CRAT: variants seen among roughly 807,000 people sequenced by gnomAD.
CRAT encodes the protein carnitine O-acetyltransferase, also known as carnitine acetylase.
A neutral mutation model predicts 73.7 loss-of-function variants in CRAT; 66 were observed. That is an observed-to-expected ratio of 0.90 (90% CI 0.73 to 1.10). The LOEUF is 1.10. Ranked by LOEUF, CRAT falls within the 50% of genes least tolerant of loss-of-function variation. The pLI is 0.00. For synonymous variants in CRAT, 321 were observed against 343.2 expected (o/e 0.94, Z 0.71); for missense variants, 745 against 846.9 (o/e 0.88, Z 1.49).
chr9:129,095,051 G>T lies in CRAT; in HGVS notation c.*346C>A. The T allele has an allele frequency of 2.9e-6, 1 of 343,070 alleles. No homozygotes were observed. The highest frequency in any genetic ancestry group is 3.3e-5 in the South Asian group (1 of 29,990). The allele number at this position is 343,070 out of a possible 1,614,324, so 21.3% of individuals were successfully genotyped here. Reference sequence around the variant, plus strand: ...GAGTTGGCAGGGAGTGGCCGGGGCTGAGCTGGTGAGACAAAGAGCTCTTGC... The same window carrying T: ...GAGTTGGCAGGGAGTGGCCGGGGCTTAGCTGGTGAGACAAAGAGCTCTTGC... On this transcript the variant is annotated 3_prime_UTR_variant, in exon 14 of 14. Transcript: ENST00000318080.
At chr9:129,099,586 C>A (rs1226916704) in intron 8 of CRAT, among the ~76,000 whole-genome samples, 2 of 138,138 alleles carry the variant, frequency 1.4e-5, no homozygotes, top group African/African-American at 5.7e-5. Context: ...GATACCACAC[C>A]TGGGTAATTT....
In CRAT at chr9:129,096,080, A is replaced by G. The variant is rs776878613; in HGVS notation, c.1583T>C (p.Ile528Thr). 3.7e-6 allele frequency: 6 copies of G among 1,613,996 alleles called. No individual in the cohort carries two copies. The Admixed American group carries it at 6.7e-5, about 18-fold the overall frequency. Residue 528 changes from isoleucine to threonine, a missense_variant, in exon 13 of 14, where the codon ATC becomes ACC. By Grantham distance (89) the Ile-to-Thr change is moderately conservative. Transcript: ENST00000318080. ...RHLLGLKLQA[I>T]EDLVSMPDIF... ...GTCGGGCATGCTCACCAGGTCCTCG[A>G]TGGCCTGCAGCTTCAGGCCCAGCAG...
At position 129,102,534 on chromosome 9, in the gene CRAT, T is replaced by C. The variant is rs1554725925; in HGVS notation, c.496A>G (p.Lys166Glu). The C allele has an allele frequency of 1.2e-6, 2 of 1,613,382 alleles. No homozygotes were observed. The highest frequency in any genetic ancestry group is 1.7e-6 in the Non-Finnish European group (2 of 1,179,888). The stretch of plus-strand genomic sequence containing the variant: ...TAGTACTGGTTCATGCACAGTGGCT[T>C]CCCCCCCAGGTACTCCACGGGCAGG... ...ETLPVEYLGG[K>E]PLCMNQYYQI... Residue 166 changes from lysine to glutamate, a missense_variant, in exon 5 of 14, where the codon AAG becomes GAG. Transcript: ENST00000318080.
Position 129,098,527 on chromosome 9 carries a change from T to C in CRAT, c.1205+4A>G. ...GCACAGGGATGGCGGGGGCAGGCAC[T>C]TACATGCTGAGGTTCTGCTTGGCCT... On this transcript the variant is annotated splice_donor_region_variant and intron_variant, in intron 9 of 13. Transcript: ENST00000318080. 1 of 1,605,528 alleles carries C rather than the reference T, an allele frequency of 6.2e-7. No homozygotes were observed. The highest frequency in any genetic ancestry group is 1.1e-5 in the South Asian group (1 of 90,080).
In CRAT at chr9:129,110,403, G is replaced by C; in HGVS notation, c.27+80C>G. The C allele has an allele frequency of 7.2e-7, 1 of 1,391,096 alleles. No homozygotes were observed. The highest frequency in any genetic ancestry group is 1.4e-5 in the South Asian group (1 of 72,408). The allele number at this position is 1,391,096 out of a possible 1,614,324, so 86.2% of individuals were successfully genotyped here. A position where few individuals can be genotyped will look rare whatever the true frequency, so the allele number is the denominator to read the frequency against. On this transcript the variant is annotated intron_variant, in intron 1 of 13. Transcript: ENST00000318080. The surrounding 1 kb of genome is among the most constrained non-coding windows in gnomAD (Gnocchi z 5.3). The stretch of plus-strand genomic sequence containing the variant: ...CCGGGTCGAACAGCGGCCGCAGGAC[G>C]CGGTCTCCGTTCCCGGACGCAACCG...
rs1451160613 is a variant in CRAT at position 129,104,202 on chromosome 9, C to T, written c.396G>A (p.Leu132=). ...VMLPKQDFVD[L]QGQLRFAAKL... ...CAGCCACTCACCGGAGCTGACCCTG[C>T]AGGTCCACGAAGTCCTGCTTGGGTA... Residue 132 remains leucine, a synonymous_variant, in exon 3 of 14, where the codon CTG becomes CTA. Coordinates refer to ENST00000318080, the MANE Select transcript of CRAT (RefSeq NM_000755.5). The T allele has an allele frequency of 1.2e-6, 2 of 1,609,008 alleles. No homozygotes were observed. Among genetic ancestry groups the T allele is most frequent in the East Asian group, 2.2e-5 (1 of 44,596 alleles).
Position 129,110,513 on chromosome 9 carries a change from C to G in CRAT, c.-4G>C. 1.3e-6 allele frequency: 2 copies of G among 1,576,474 alleles called. No individual in the cohort carries two copies. The highest frequency in any genetic ancestry group is 1.7e-6 in the Non-Finnish European group (2 of 1,168,544). On this transcript the variant is annotated 5_prime_UTR_variant, in exon 1 of 14. Transcript: ENST00000318080. This position sits in a 1 kb window ranked among gnomAD's most constrained non-coding sequence, Gnocchi z 5.3. Reference sequence around the variant, plus strand: ...TCCTGGCAGCGAAGGCTAACATCTTCGCTGCCCGTCCGCGGACACGCAGTC... The same window carrying G: ...TCCTGGCAGCGAAGGCTAACATCTTGGCTGCCCGTCCGCGGACACGCAGTC...
intron 1 of CRAT, chr9:129,108,376 C>A: frequency 8.2e-7 from 1 of 1,222,694 alleles, no homozygotes. Flanking sequence ...GACCGCCCAC[C>A]TGTTGGGTTG....
rs1312119577 is a variant in CRAT, at chr9:129,103,151, G to C, written c.411-85C>G. On this transcript the variant is annotated intron_variant, in intron 3 of 13. Coordinates refer to ENST00000318080, the MANE Select transcript of CRAT (RefSeq NM_000755.5). This position sits in a 1 kb window ranked among gnomAD's most constrained non-coding sequence, Gnocchi z 4.6. ...AGGGACACCTGCTTGGGGAGCGGGA[G>C]GTCTAGTCTTCCAGCCTCTCTCACC... 1 of 1,186,666 alleles carries C rather than the reference G, an allele frequency of 8.4e-7. No individual in the cohort carries two copies. Among genetic ancestry groups the C allele is most frequent in the East Asian group, 2.3e-5 (1 of 42,774 alleles). 73.5% of individuals were successfully genotyped at this position (1,186,666 alleles called of 1,614,324 possible). A position where few individuals can be genotyped will look rare whatever the true frequency, so the allele number is the denominator to read the frequency against.
chr9:129,103,146 C>T lies in CRAT; in HGVS notation c.411-80G>A, dbSNP rs1042817584. The T allele has an allele frequency of 1.2e-5, 15 of 1,244,334 alleles. No individual in the cohort carries two copies. Among genetic ancestry groups the T allele is most frequent in the Admixed American group, 1.7e-5 (1 of 59,222 alleles). 77.1% of individuals were successfully genotyped at this position (1,244,334 alleles called of 1,614,324 possible). A position where few individuals can be genotyped will look rare whatever the true frequency, so the allele number is the denominator to read the frequency against. Reference sequence around the variant, plus strand: ...GGGCTAGGGACACCTGCTTGGGGAGCGGGAGGTCTAGTCTTCCAGCCTCTC... The same window carrying T: ...GGGCTAGGGACACCTGCTTGGGGAGTGGGAGGTCTAGTCTTCCAGCCTCTC... On this transcript the variant is annotated intron_variant, in intron 3 of 13. Transcript: ENST00000318080. The surrounding 1 kb of genome is among the most constrained non-coding windows in gnomAD (Gnocchi z 4.6).
chr9:129,108,656 CAG>C (rs1383880421), intron 1 of CRAT: 1 of 1,234,942 alleles, frequency 8.1e-7, no homozygotes, highest in South Asian at 1.3e-5. Context: ...TGAGAGGCGG[CAG>C]AGAGAGAAAG....
Position 129,110,731 on chromosome 9 carries a change from C to G in CRAT, c.-222G>C, listed in dbSNP as rs1390374857. 2 of 620,530 alleles carry G rather than the reference C, an allele frequency of 3.2e-6. No individual in the cohort carries two copies. Among genetic ancestry groups the G allele is most frequent in the Admixed American group, 4.0e-5 (1 of 25,194 alleles). The allele number at this position is 620,530 out of a possible 1,614,324, so 38.4% of individuals were successfully genotyped here. ...GGGAGGAGGACTCGCGAGGCGGGGC[C>G]TGGGCCGGTAGCGGGCCCCGGGCGG... On this transcript the variant is annotated 5_prime_UTR_variant, in exon 1 of 14. Transcript: ENST00000318080. The surrounding 1 kb of genome is among the most constrained non-coding windows in gnomAD (Gnocchi z 5.3).
rs1006070737 is a variant in CRAT at position 129,102,572 on chromosome 9, G to A, written c.465-7C>T. On this transcript the variant is annotated splice_polypyrimidine_tract_variant and splice_region_variant and intron_variant, in intron 4 of 13. Coordinates refer to ENST00000318080, the MANE Select transcript of CRAT (RefSeq NM_000755.5). The stretch of plus-strand genomic sequence containing the variant: ...CTCCACGGGCAGGGTCTCGCTATGG[G>A]GTAGAGGGGCAGTGAGGCCACCACT... 6.2e-7 allele frequency: 1 copy of A among 1,613,768 alleles called. No homozygotes were observed.
intron 5 of CRAT, 99 bp downstream of exon 5, chr9:129,102,301 C>G: frequency 6.6e-7 from 1 of 1,513,244 alleles, no homozygotes; most frequent in Non-Finnish European, 9.1e-7. Context: ...CACGTGGGCA[C>G]GTGTGCTGGG....
chr9:129,104,438 A>G (rs1847875422), intron 2 of CRAT, 132 bp from the exon 3 acceptor site: 7 of 653,226 alleles, frequency 1.1e-5, no homozygotes, highest in Non-Finnish European at 1.9e-5. Flanking sequence ...AAATGCCTAG[A>G]TCCAGAACCC....
intron 11 of CRAT, 29 bp from the exon 12 acceptor site, chr9:129,097,341 A>C: frequency 6.5e-7 from 1 of 1,541,212 alleles, no homozygotes; most frequent in Non-Finnish European, 8.8e-7. Flanking sequence ...GAGGGAGCTG[A>C]AGCACTGTCC....
At position 129,097,713 on chromosome 9, in the gene CRAT, A is replaced by G. The variant is rs569467406; in HGVS notation, c.1464+300T>C. ...AACAGAGTGAGACTCTTTCTAAAAA[A>G]AAACAAGAAAAAAAAAGAGCGAGTA... is the stretch of plus-strand genomic sequence containing the variant. On this transcript the variant is annotated intron_variant, in intron 11 of 13. Coordinates refer to ENST00000318080, the MANE Select transcript of CRAT (RefSeq NM_000755.5). The G allele has an allele frequency of 9.8e-6, 4 of 407,938 alleles. No individual in the cohort carries two copies. The South Asian group carries it at 1.5e-4, about 16-fold the overall frequency. The allele number at this position is 407,938 out of a possible 1,614,324, so 25.3% of individuals were successfully genotyped here.
chr9:129,106,327 T>C lies in CRAT; in HGVS notation c.291+1487A>G, dbSNP rs935968189. Among the ~76,000 whole-genome samples, 4 of 151,968 alleles carry C rather than the reference T, an allele frequency of 2.6e-5. No individual in the cohort carries two copies. Among genetic ancestry groups the C allele is most frequent in the African/African-American group, 9.7e-5 (4 of 41,360 alleles). On this transcript the variant is annotated intron_variant, in intron 2 of 13. Coordinates refer to ENST00000318080, the MANE Select transcript of CRAT (RefSeq NM_000755.5). This position sits in a 1 kb window ranked among gnomAD's most constrained non-coding sequence, Gnocchi z 4.0. ...TCTGGGCCTTAGTTTTCCTCATCTG[T>C]AGATCAGTGAAGGGCAGACAGGAGC...
At position 129,101,816 on chromosome 9, in the gene CRAT, T is replaced by C. The variant is rs769992547; in HGVS notation, c.805+67A>G. ...GACTTCGGGTACCCTACAGGTGGAGTTGAGGCTGGTCCCCAACAGGGGAAG... is the reference window on the plus strand; with the variant it reads ...GACTTCGGGTACCCTACAGGTGGAGCTGAGGCTGGTCCCCAACAGGGGAAG... On this transcript the variant is annotated intron_variant, in intron 6 of 13. Transcript: ENST00000318080. 270 of 1,548,780 alleles carry C rather than the reference T, an allele frequency of 1.7e-4. 1 individual carries two copies. Among genetic ancestry groups the C allele is most frequent in the Non-Finnish European group, 2.3e-4 (257 of 1,138,946 alleles).
Sources: allele counts gnomAD v4.1 joint callset (sites outside exome capture counted in the v4.1 genomes callset), GRCh38; gene constraint gnomAD v4.1.1; non-coding constraint Gnocchi (gnomAD v3.1); transcripts MANE v1.5; gene names NCBI Gene and HGNC (gene_info 2026-07-23, HGNC 2026-07-21).